PRDM15: variants seen among roughly 807,000 people sequenced by gnomAD.
The protein encoded by PRDM15 is PR/SET domain 15, also known as PR domain zinc finger protein 15.
Under a neutral mutation model 128.6 loss-of-function variants are expected in PRDM15, and 64 were observed. That is an observed-to-expected ratio of 0.50 (90% CI 0.41 to 0.61). The LOEUF (loss-of-function observed/expected upper bound fraction) is 0.61, where lower values mean the gene tolerates loss of function less well. Ranked by LOEUF, PRDM15 falls within the 20% of genes least tolerant of loss-of-function variation. The pLI, the probability that PRDM15 is intolerant of heterozygous loss-of-function variation, is 0.00. For missense variants in PRDM15, 1,242 were observed against 1,569.1 expected (o/e 0.79, Z 3.52); for synonymous variants, 615 against 621.8 (o/e 0.99, Z 0.16).
rs575610992 is a variant in PRDM15, at chr21:41,858,724, G to T, written c.131+868C>A. 1.6e-3 allele frequency among the ~76,000 whole-genome samples: 236 copies of T among 151,880 alleles called. 1 individual carries two copies. Among genetic ancestry groups the T allele is most frequent in the Middle Eastern group, 6.8e-3 (2 of 294 alleles). Reference sequence around the variant, plus strand: ...CAAGGGTTTCAGCTGAATTTTCATGGGCAACAGGCAGTCCCTGAGGGTTCT... The same window carrying T: ...CAAGGGTTTCAGCTGAATTTTCATGTGCAACAGGCAGTCCCTGAGGGTTCT... On this transcript the variant is annotated intron_variant, in intron 3 of 23. Coordinates refer to ENST00000398548, the MANE Select transcript of PRDM15 (RefSeq NM_001040424.3).
chr21:41,816,495 C>T (rs576408049), intron 18 of PRDM15, among the ~76,000 whole-genome samples: 8 of 152,168 alleles, frequency 5.3e-5, no homozygotes, highest in Non-Finnish European at 1.2e-4. Flanking sequence ...CTCCCCAGCC[C>T]CGAAGAGGCG....
intron 4 of PRDM15, among the ~76,000 whole-genome samples, chr21:41,856,890 G>T (rs1181878549): frequency 6.6e-6 from 1 of 152,238 alleles, no homozygotes; most frequent in Admixed American, 6.5e-5. Flanking sequence ...AGCAATGGAG[G>T]TCGTAAGACA....
chr21:41,815,731 A>G lies in PRDM15; in HGVS notation c.2366T>C (p.Met789Thr), dbSNP rs774376457. Reference sequence around the variant, plus strand: ...CGTGTGCCGCTTGCAGTGCTTGAGCATGTTGACCTTCTGCGCGAACCTGCG... The same window carrying G: ...CGTGTGCCGCTTGCAGTGCTTGAGCGTGTTGACCTTCTGCGCGAACCTGCG... ...CHRRFAQKVN[M>T]LKHCKRHTGI... The change falls in exon 19 of 24, where the codon ATG (methionine) becomes ACG (threonine). Residue 789 changes from methionine to threonine, a missense_variant. Physicochemically the swap from Met to Thr is moderately conservative, Grantham distance 81 (BLOSUM62 -1). Coordinates refer to ENST00000398548, the MANE Select transcript of PRDM15 (RefSeq NM_001040424.3). 6.2e-7 allele frequency: 1 copy of G among 1,613,930 alleles called. No homozygotes were observed. The highest frequency in any genetic ancestry group is 8.5e-7 in the Non-Finnish European group (1 of 1,179,948).
intron 1 of PRDM15, among the ~76,000 whole-genome samples, chr21:41,873,917 A>G (rs1308805444): frequency 6.6e-6 from 1 of 152,068 alleles, no homozygotes; most frequent in Non-Finnish European, 1.5e-5. Context: ...ATGGTGGCAC[A>G]TGCCTGTAGT....
chr21:41,858,843 A>T (rs1049783739), intron 3 of PRDM15, among the ~76,000 whole-genome samples: 2 of 152,182 alleles, frequency 1.3e-5, no homozygotes, highest in Non-Finnish European at 2.9e-5. Context: ...AAGAAAAAAA[A>T]ATAAATGAAC....
In PRDM15 at chr21:41,815,606, G is replaced by A. The variant is rs2062021521; in HGVS notation, c.2392+99C>T. 4 of 1,489,800 alleles carry A rather than the reference G, an allele frequency of 2.7e-6. No homozygotes were observed. In the African/African-American group the frequency reaches 4.1e-5, roughly 15 times the overall value. 92.3% of individuals were successfully genotyped at this position (1,489,800 alleles called of 1,614,324 possible). On this transcript the variant is annotated intron_variant, in intron 19 of 23. Transcript: ENST00000398548. The stretch of plus-strand genomic sequence containing the variant: ...CCCGGCACTCAGTGGGAATCACAAA[G>A]AGGAATCGTCTCAAGGCGGCTCTCT...
chr21:41,878,571 C>G (rs1465134240), intron 1 of PRDM15: 2 of 483,534 alleles, frequency 4.1e-6, no homozygotes, highest in Admixed American at 4.2e-5. Context: ...GGGCACGCCC[C>G]GTCCCCGAAC....
intron 1 of PRDM15, among the ~76,000 whole-genome samples, chr21:41,865,323 G>A (rs147841886): frequency 3.9e-5 from 6 of 152,276 alleles, no homozygotes; most frequent in Non-Finnish European, 5.9e-5. Flanking sequence ...TCACAGCACC[G>A]TCACCCGTGT....
rs748507496 is a variant in PRDM15, at chr21:41,801,254, T to TCTGCTG, written c.3406_3411dup (p.Gln1136_Gln1137dup). The stretch of plus-strand genomic sequence containing the variant: ...CGGAACGCAGCTCAGTAGCTGTACA[T>TCTGCTG]CTGCTGCTGCTGCTGCTCCGCCTGC... On this transcript the variant is annotated inframe_insertion, in exon 24 of 24. Coordinates refer to ENST00000398548, the MANE Select transcript of PRDM15 (RefSeq NM_001040424.3). 21 of 1,530,758 alleles carry TCTGCTG rather than the reference T, an allele frequency of 1.4e-5. No individual in the cohort carries two copies. The highest frequency in any genetic ancestry group is 1.8e-5 in the Non-Finnish European group (20 of 1,141,480). 94.8% of individuals were successfully genotyped at this position (1,530,758 alleles called of 1,614,324 possible).
intron 19 of PRDM15, among the ~76,000 whole-genome samples, chr21:41,815,207 C>T (rs1042588104): frequency 5.9e-5 from 9 of 152,242 alleles, no homozygotes; most frequent in African/African-American, 9.6e-5. Flanking sequence ...TGACCTGTCG[C>T]GTCACCGACT....
chr21:41,806,174 T>C (rs867220877), intron 21 of PRDM15, among the ~76,000 whole-genome samples: 23 of 2,190 alleles, frequency 0.011, no homozygotes, highest in Admixed American at 0.016. Flanking sequence ...ACCACCACCA[T>C]CACCACCACC....
At position 41,805,688 on chromosome 21, in the gene PRDM15, C is replaced by T. The variant is rs555693193; in HGVS notation, c.2653-1074G>A. ...GCAAAAGCAACCAGACTGCTGTGGA[C>T]GCACTCTCTACCGTCACCACCATCA... On this transcript the variant is annotated intron_variant, in intron 21 of 23. Coordinates refer to ENST00000398548, the MANE Select transcript of PRDM15 (RefSeq NM_001040424.3). Among the ~76,000 whole-genome samples, 96 of 152,112 alleles carry T rather than the reference C, an allele frequency of 6.3e-4. 1 individual carries two copies. The highest frequency in any genetic ancestry group is 2.0e-3 in the African/African-American group (83 of 41,448).
chr21:41,865,814 A>C (rs1318872619), intron 1 of PRDM15, among the ~76,000 whole-genome samples: 1 of 152,160 alleles, frequency 6.6e-6, no homozygotes, highest in Non-Finnish European at 1.5e-5. Flanking sequence ...GTCCCATCAC[A>C]GCTCACTATA....
At chr21:41,858,918 G>C (rs1052258277) in intron 3 of PRDM15, 2 of 781,304 alleles carry the variant, frequency 2.6e-6, no homozygotes, top group Non-Finnish European at 4.0e-6. Flanking sequence ...CACCTGTGCA[G>C]CGGCAGCACG....
At position 41,871,613 on chromosome 21, in the gene PRDM15, A is replaced by G. The variant is rs201981835; in HGVS notation, c.-10+7657T>C. On this transcript the variant is annotated intron_variant, in intron 1 of 23. Transcript: ENST00000398548. ...CTGCTCACTGACCCTCTGGTTCCCA[A>G]TCTGGGACCTGTAGGCCAACAGTGG... 1.2e-5 allele frequency: 20 copies of G among 1,609,388 alleles called. No homozygotes were observed. Among genetic ancestry groups the G allele is most frequent in the East Asian group, 6.7e-5 (3 of 44,764 alleles).
At chr21:41,856,345 C>A (rs887378794) in intron 4 of PRDM15, among the ~76,000 whole-genome samples, 3 of 147,430 alleles carry the variant, frequency 2.0e-5, no homozygotes, top group Admixed American at 6.9e-5. Context: ...CTTCTTCCCC[C>A]CTTTTTGCTG....
At chr21:41,801,879 C>T (rs372313598) in intron 23 of PRDM15, among the ~76,000 whole-genome samples, 157 bp from the exon 24 acceptor site, 1 of 151,820 alleles carries the variant, frequency 6.6e-6, no homozygotes, top group African/African-American at 2.4e-5. Context: ...AAAATTCCAG[C>T]GAGAAACAAA....
chr21:41,810,401 C>A lies in PRDM15; in HGVS notation c.2477-72G>T. ...ACGCAGGTCACTAGTGCAGCCATCC[C>A]AATGACCCTGGCCTGCTGGACGAGG... On this transcript the variant is annotated intron_variant, in intron 20 of 23. Coordinates refer to ENST00000398548, the MANE Select transcript of PRDM15 (RefSeq NM_001040424.3). The surrounding 1 kb of genome is among the most constrained non-coding windows in gnomAD (Gnocchi z 6.4). The A allele has an allele frequency of 6.6e-7, 1 of 1,512,548 alleles. No individual in the cohort carries two copies. The highest frequency in any genetic ancestry group is 1.3e-5 in the South Asian group (1 of 79,848). 93.7% of individuals were successfully genotyped at this position (1,512,548 alleles called of 1,614,324 possible).
intron 12 of PRDM15, among the ~76,000 whole-genome samples, chr21:41,826,745 G>A (rs2062484798): frequency 6.6e-6 from 1 of 152,168 alleles, no homozygotes; most frequent in African/African-American, 2.4e-5. Flanking sequence ...CAAACTGGAC[G>A]TTGGACAAAC....
Sources: gnomAD v4.1 joint callset for allele counts (sites outside exome capture counted in the v4.1 genomes callset) on GRCh38, gnomAD v4.1.1 for gene constraint, Gnocchi (gnomAD v3.1) non-coding constraint, MANE v1.5 for transcripts, NCBI Gene and HGNC (gene_info 2026-07-23, HGNC 2026-07-21) for gene names.